MRPS6: variants seen among roughly 807,000 people sequenced by gnomAD.
MRPS6 encodes small ribosomal subunit protein bS6m.
MRPS6 carries 6 observed loss-of-function variants against 13.1 expected under a neutral mutation model. The ratio of observed to expected loss-of-function variants is 0.46; its 90% CI spans 0.25 to 0.91. MRPS6 has a LOEUF of 0.91. Ranked by LOEUF, MRPS6 falls within the 40% of genes least tolerant of loss-of-function variation. MRPS6 has a pLI of 0.18. For missense variants in MRPS6, 164 were observed against 155.6 expected (o/e 1.05, Z -0.29); for synonymous variants, 61 against 56.5 (o/e 1.08, Z -0.36).
intron 1 of MRPS6, among the ~76,000 whole-genome samples, chr21:34,088,089 C>T (rs1422608703): frequency 6.6e-6 from 1 of 152,162 alleles, no homozygotes; most frequent in East Asian, 1.9e-4. Context: ...CCATTAAGAG[C>T]AGTTGTCCAT....
Position 34,098,251 on chromosome 21 carries a change from G to C in MRPS6, c.45+24506G>C, listed in dbSNP as rs115426595. ...ACTCATATATTCTGCTAATTTTCTAGCTTTATTCTTGTTATTTGGAAAAAT... is the reference window on the plus strand; with the variant it reads ...ACTCATATATTCTGCTAATTTTCTACCTTTATTCTTGTTATTTGGAAAAAT... On this transcript the variant is annotated intron_variant, in intron 1 of 2. Transcript: ENST00000399312. 575 of 999,714 alleles carry C rather than the reference G, an allele frequency of 5.8e-4. 7 individuals carry two copies. The African/African-American group carries it at 9.4e-3, about 16-fold the overall frequency. 61.9% of individuals were successfully genotyped at this position (999,714 alleles called of 1,614,324 possible). A position where few individuals can be genotyped will look rare whatever the true frequency, so the allele number is the denominator to read the frequency against.
intron 1 of MRPS6, among the ~76,000 whole-genome samples, chr21:34,118,052 T>A (rs894632034): frequency 2.7e-4 from 41 of 152,278 alleles, no homozygotes; most frequent in African/African-American, 3.6e-4. Flanking sequence ...AACATTATTT[T>A]AAAAATTTTA....
chr21:34,112,362 A>G (rs1287939694), intron 1 of MRPS6, among the ~76,000 whole-genome samples: 1 of 152,216 alleles, frequency 6.6e-6, no homozygotes, highest in Non-Finnish European at 1.5e-5. Flanking sequence ...TGTATGTGGA[A>G]TGCGAGCGAT....
chr21:34,107,521 C>T (rs1221048294), intron 1 of MRPS6, among the ~76,000 whole-genome samples: 1 of 152,066 alleles, frequency 6.6e-6, no homozygotes, highest in African/African-American at 2.4e-5. Context: ...TATTAAAAAC[C>T]ATGTAAATAA....
intron 1 of MRPS6, among the ~76,000 whole-genome samples, chr21:34,084,876 A>G (rs1486243853): frequency 6.6e-6 from 1 of 152,202 alleles, no homozygotes; most frequent in East Asian, 1.9e-4. Context: ...TAACACTTGT[A>G]TGATTTTTGC....
rs754597325 is a variant in MRPS6, at chr21:34,097,094, C to T, written c.45+23349C>T. The stretch of plus-strand genomic sequence containing the variant: ...CAGAAACACCAGTTGACGCTTACTC[C>T]AATGGGCAAGCAGCTCTCATGGGTG... On this transcript the variant is annotated intron_variant, in intron 1 of 2. Transcript: ENST00000399312. 8 of 1,613,896 alleles carry T rather than the reference C, an allele frequency of 5.0e-6. No individual in the cohort carries two copies. In the South Asian group the frequency reaches 5.5e-5, roughly 11 times the overall value.
chr21:34,087,475 C>G (rs747550138), intron 1 of MRPS6, among the ~76,000 whole-genome samples: 20 of 152,176 alleles, frequency 1.3e-4, no homozygotes, highest in Non-Finnish European at 2.4e-4. Context: ...GAAAATTCTA[C>G]CCTCATGGAG....
intron 1 of MRPS6, chr21:34,101,786 G>T (rs1158651308): frequency 1.0e-6 from 1 of 996,010 alleles, no homozygotes; most frequent in African/African-American, 1.8e-5. Flanking sequence ...AGCTTAAAAT[G>T]TTAATTCTCA....
chr21:34,128,049 T>C (rs1325814006), intron 2 of MRPS6, among the ~76,000 whole-genome samples: 1 of 152,234 alleles, frequency 6.6e-6, no homozygotes, highest in East Asian at 1.9e-4. Flanking sequence ...GTCCACATTC[T>C]ATCATGGTAC....
At chr21:34,094,163 A>G (rs749952009) in intron 1 of MRPS6, among the ~76,000 whole-genome samples, 2 of 152,082 alleles carry the variant, frequency 1.3e-5, no homozygotes, top group Non-Finnish European at 1.5e-5. Flanking sequence ...GAAATAATAC[A>G]ATTTTTGAGT....
At chr21:34,128,740 GT>G (rs1290362079) in intron 2 of MRPS6, among the ~76,000 whole-genome samples, 1 of 152,166 alleles carries the variant, frequency 6.6e-6, no homozygotes, top group Non-Finnish European at 1.5e-5. Flanking sequence ...ATCTCTGAAG[GT>G]CAGTAGAACT....
intron 2 of MRPS6, among the ~76,000 whole-genome samples, chr21:34,127,183 A>G (rs1024144457): frequency 1.3e-5 from 2 of 152,230 alleles, no homozygotes; most frequent in East Asian, 3.8e-4. Flanking sequence ...CAACAAACAG[A>G]AGCAGTGTTC....
intron 1 of MRPS6, among the ~76,000 whole-genome samples, chr21:34,074,017 G>T (rs1484391083): frequency 8.2e-5 from 12 of 146,880 alleles, no homozygotes; most frequent in Non-Finnish European, 1.2e-4. Context: ...CGGGCGGGGG[G>T]CGGGGCGGAC....
At chr21:34,103,667 C>T (rs984195300) in intron 1 of MRPS6, 2 of 1,000,012 alleles carry the variant, frequency 2.0e-6, no homozygotes, top group African/African-American at 1.7e-5. Flanking sequence ...ATAAAGGCCA[C>T]CAGGTATTTG....
chr21:34,090,573 T>A (rs1389204450), intron 1 of MRPS6, among the ~76,000 whole-genome samples: 1 of 152,222 alleles, frequency 6.6e-6, no homozygotes, highest in African/African-American at 2.4e-5. Flanking sequence ...GGGAAAATCC[T>A]AATATGCCTT....
chr21:34,075,420 C>A (rs1989303857), intron 1 of MRPS6, among the ~76,000 whole-genome samples: 1 of 151,800 alleles, frequency 6.6e-6, no homozygotes, highest in Admixed American at 6.6e-5. Context: ...TTTTTTATGT[C>A]CTGTAATAAC....
chr21:34,129,778 G>A (rs928235987), intron 2 of MRPS6, among the ~76,000 whole-genome samples: 4 of 152,126 alleles, frequency 2.6e-5, no homozygotes, highest in East Asian at 1.9e-4. Flanking sequence ...CCCCGTTCTC[G>A]TGTGTAGGTA....
At chr21:34,129,125 T>C (rs1030809026) in intron 2 of MRPS6, among the ~76,000 whole-genome samples, 4 of 152,150 alleles carry the variant, frequency 2.6e-5, no homozygotes, top group African/African-American at 9.7e-5. Flanking sequence ...GAAGATGTCA[T>C]TTATGTTAGA....
At chr21:34,091,206 C>G (rs911918258) in intron 1 of MRPS6, among the ~76,000 whole-genome samples, 9 of 152,134 alleles carry the variant, frequency 5.9e-5, no homozygotes, top group African/African-American at 2.2e-4. Flanking sequence ...GACTCCAAAG[C>G]TAAAAGAGGT....
Sources: gnomAD v4.1 joint callset for allele counts (sites outside exome capture counted in the v4.1 genomes callset) on GRCh38, gnomAD v4.1.1 for gene constraint, MANE v1.5 for transcripts, NCBI Gene and HGNC (gene_info 2026-07-23, HGNC 2026-07-21) for gene names.